The following PEX5L variants were observed in gnomAD, a reference collection of about 807,000 sequenced individuals.
PEX5L encodes peroxisomal biogenesis factor 5 like.
A neutral mutation model predicts 84.0 loss-of-function variants in PEX5L; 30 were observed. The observed-to-expected ratio is 0.36, with a 90% CI of 0.27 to 0.48. The LOEUF (loss-of-function observed/expected upper bound fraction) is 0.48, where lower values mean the gene tolerates loss of function less well. Ranked by LOEUF, PEX5L falls within the 20% of genes least tolerant of loss-of-function variation. The probability of loss-of-function intolerance (pLI) is 0.99; values close to 1 mark genes in which losing one functional copy is unlikely to be tolerated. For synonymous variants in PEX5L, 270 were observed against 283.1 expected (o/e 0.95, Z 0.46); for missense variants, 533 against 754.6 (o/e 0.71, Z 3.44).
chr3:179,897,777 A>T (rs2108979959), intron 3 of PEX5L, among the ~76,000 whole-genome samples: 1 of 152,214 alleles, frequency 6.6e-6, no homozygotes, highest in South Asian at 2.1e-4. Context: ...GTTTTTATTC[A>T]TAGGAATTTG....
chr3:179,847,161 C>T (rs1429118425), intron 8 of PEX5L, among the ~76,000 whole-genome samples: 1 of 150,290 alleles, frequency 6.7e-6, no homozygotes, highest in Non-Finnish European at 1.5e-5. Flanking sequence ...GATATATCTC[C>T]TATTGGTGAT....
intron 14 of PEX5L, 38 bp from the exon 15 acceptor site, chr3:179,802,070 A>T: frequency 7.1e-7 from 1 of 1,411,384 alleles, no homozygotes; most frequent in Non-Finnish European, 1.0e-6. Context: ...AATGAGTCAC[A>T]TTTCAGAGTT....
chr3:179,960,544 C>T (rs1243772148), intron 2 of PEX5L, among the ~76,000 whole-genome samples: 1 of 152,166 alleles, frequency 6.6e-6, no homozygotes, highest in Non-Finnish European at 1.5e-5. Context: ...GGTATTGCTA[C>T]TGTTGTTCAT....
intron 1 of PEX5L, among the ~76,000 whole-genome samples, chr3:179,986,469 C>A (rs1203827115): frequency 7.0e-6 from 1 of 143,482 alleles, no homozygotes; most frequent in Non-Finnish European, 1.5e-5. Flanking sequence ...GTGGCGCGAT[C>A]TCGGCTCACC....
At chr3:180,009,760 G>GT (rs1789256951) in intron 1 of PEX5L, among the ~76,000 whole-genome samples, 1 of 151,712 alleles carries the variant, frequency 6.6e-6, no homozygotes, top group South Asian at 2.1e-4. Context: ...CTATATAGTT[G>GT]TTTTTTTCCT....
At chr3:179,981,023 CAAAA>C (rs4041253) in intron 1 of PEX5L, among the ~76,000 whole-genome samples, 9 of 135,994 alleles carry the variant, frequency 6.6e-5, no homozygotes, top group African/African-American at 1.9e-4. Flanking sequence ...GACTCCTTCT[CAAAA>C]AAAAAAAAAA....
chr3:179,875,861 G>T (rs761447780), intron 5 of PEX5L, among the ~76,000 whole-genome samples: 2 of 152,142 alleles, frequency 1.3e-5, no homozygotes, highest in Non-Finnish European at 2.9e-5. Context: ...TACTCTATCA[G>T]TCTCTGGCTA....
chr3:180,015,029 G>A (rs1789824700), intron 1 of PEX5L, among the ~76,000 whole-genome samples: 1 of 152,180 alleles, frequency 6.6e-6, no homozygotes, highest in Non-Finnish European at 1.5e-5. Flanking sequence ...CAAGAAATGT[G>A]AGAGGTAAAC....
intron 2 of PEX5L, among the ~76,000 whole-genome samples, chr3:179,956,339 G>A (rs1476939105): frequency 6.6e-6 from 1 of 152,084 alleles, no homozygotes; most frequent in African/African-American, 2.4e-5. Flanking sequence ...GTAAAATCTA[G>A]AATGCTTATA....
At position 179,986,642 on chromosome 3, in the gene PEX5L, T is replaced by G. The variant is rs1199729117; in HGVS notation, c.22-14977A>C. ...TAGTCTCTATCTCCTGACCTCGTGA[T>G]CCGCCCGTCTTGGCCTCCCAAAGTG... On this transcript the variant is annotated intron_variant, in intron 1 of 14. Coordinates refer to ENST00000467460, the MANE Select transcript of PEX5L (RefSeq NM_016559.3). Among the ~76,000 whole-genome samples, 3 of 152,266 alleles carry G rather than the reference T, an allele frequency of 2.0e-5. No homozygotes were observed. The South Asian group carries it at 6.2e-4, about 32-fold the overall frequency.
At chr3:179,917,798 T>G (rs1364366985) in intron 2 of PEX5L, among the ~76,000 whole-genome samples, 1 of 152,196 alleles carries the variant, frequency 6.6e-6, no homozygotes, top group African/African-American at 2.4e-5. Context: ...TAGCTGGGAT[T>G]ACAGGCATGG....
intron 8 of PEX5L, among the ~76,000 whole-genome samples, chr3:179,845,806 T>G (rs2108378013): frequency 6.6e-6 from 1 of 152,284 alleles, no homozygotes; most frequent in South Asian, 2.1e-4. Context: ...GGCCCAAACT[T>G]TAACATGGCC....
intron 3 of PEX5L, among the ~76,000 whole-genome samples, chr3:179,890,938 G>A (rs1205274353): frequency 1.3e-5 from 2 of 151,776 alleles, no homozygotes; most frequent in Non-Finnish European, 2.9e-5. Context: ...TGTCCTTTTG[G>A]GCCTGTCTGC....
chr3:179,845,390 G>A (rs776933610), intron 8 of PEX5L, among the ~76,000 whole-genome samples: 5 of 152,052 alleles, frequency 3.3e-5, no homozygotes, highest in Non-Finnish European at 7.4e-5. Flanking sequence ...TACTTTCTGG[G>A]TATGTTTTAA....
chr3:179,894,977 A>G (rs923051119), intron 3 of PEX5L, among the ~76,000 whole-genome samples: 1 of 152,126 alleles, frequency 6.6e-6, no homozygotes, highest in Non-Finnish European at 1.5e-5. Context: ...TTTCTATGAT[A>G]TAATCAATCT....
chr3:179,872,915 AACT>A (rs1750856202), intron 7 of PEX5L, among the ~76,000 whole-genome samples: 1 of 152,202 alleles, frequency 6.6e-6, no homozygotes, highest in Admixed American at 6.5e-5. Context: ...CCAAGGAAAA[AACT>A]ACATTTTCAT....
At chr3:179,826,225 T>C (rs1730447224) in intron 8 of PEX5L, among the ~76,000 whole-genome samples, 2 of 152,160 alleles carry the variant, frequency 1.3e-5, no homozygotes, top group South Asian at 4.1e-4. Context: ...GAGGAAATCC[T>C]AGATAGTGTT....
intron 2 of PEX5L, among the ~76,000 whole-genome samples, chr3:179,943,872 T>C (rs1048655978): frequency 3.9e-5 from 6 of 152,156 alleles, no homozygotes; most frequent in Middle Eastern, 3.2e-3. Flanking sequence ...TCAAATTCCC[T>C]GGGTAAAGCA....
At chr3:179,888,062 T>C in intron 3 of PEX5L, 1 of 957,362 alleles carries the variant, frequency 1.0e-6, no homozygotes, top group Non-Finnish European at 1.5e-6. Context: ...CTAATTTCAA[T>C]ATATAGAAAA....
Sources: allele counts gnomAD v4.1 joint callset (sites outside exome capture counted in the v4.1 genomes callset), GRCh38; gene constraint gnomAD v4.1.1; transcripts MANE v1.5; gene names NCBI Gene and HGNC (gene_info 2026-07-23, HGNC 2026-07-21).